GYS2: variants seen among roughly 807,000 people sequenced by gnomAD.
The protein encoded by GYS2 is glycogen [starch] synthase, liver.
GYS2 carries 80 observed loss-of-function variants against 85.6 expected under a neutral mutation model. The observed-to-expected ratio is 0.93, with a 90% CI of 0.78 to 1.13. The LOEUF (loss-of-function observed/expected upper bound fraction) is 1.13, where lower values mean the gene tolerates loss of function less well. Ranked by LOEUF, GYS2 falls within the 50% of genes most tolerant of loss-of-function variation. The probability of loss-of-function intolerance (pLI) is 0.00; values close to 1 mark genes in which losing one functional copy is unlikely to be tolerated. For synonymous variants in GYS2, 328 were observed against 300.7 expected, an observed-to-expected ratio of 1.09 and a Z score of -0.94; for missense variants, 881 against 854.9, an observed-to-expected ratio of 1.03 and a Z score of -0.38.
At chr12:21,554,903 G>A (rs77018159) in intron 11 of GYS2, among the ~76,000 whole-genome samples, 124 of 152,248 alleles carry the variant, frequency 8.1e-4, no homozygotes, top group Middle Eastern at 3.4e-3. Flanking sequence ...CATTTAGAAC[G>A]TCCAATTTCA....
At chr12:21,541,865 C>T (rs1421308705) in intron 13 of GYS2, among the ~76,000 whole-genome samples, 1 of 152,056 alleles carries the variant, frequency 6.6e-6, no homozygotes, top group Non-Finnish European at 1.5e-5. Context: ...CCCCACTCCC[C>T]ACTCAAGCAG....
At chr12:21,545,733 G>A (rs904431055) in intron 12 of GYS2, among the ~76,000 whole-genome samples, 3 of 152,124 alleles carry the variant, frequency 2.0e-5, no homozygotes, top group Non-Finnish European at 2.9e-5. Context: ...GGGTGAAGAA[G>A]GAGGAGTTTC....
intron 5 of GYS2, among the ~76,000 whole-genome samples, chr12:21,563,833 A>T (rs1944285956): frequency 1.3e-5 from 2 of 151,904 alleles, no homozygotes; most frequent in Non-Finnish European, 2.9e-5. Context: ...ATGCAGTCTG[A>T]CCCCACATAC....
At chr12:21,594,590 T>C (rs1944675414) in intron 1 of GYS2, among the ~76,000 whole-genome samples, 1 of 151,986 alleles carries the variant, frequency 6.6e-6, no homozygotes, top group Admixed American at 6.6e-5. Flanking sequence ...GATAAAAGAA[T>C]TGAAAAGGAC....
chr12:21,568,801 C>G, intron 5 of GYS2, 64 bp downstream of exon 5: 1 of 1,457,226 alleles, frequency 6.9e-7, no homozygotes, highest in Admixed American at 1.7e-5. Context: ...CGATGGAAAA[C>G]AAAATCCTCA....
intron 1 of GYS2, among the ~76,000 whole-genome samples, chr12:21,594,943 A>G (rs189834684): frequency 9.5e-4 from 144 of 152,304 alleles, no homozygotes; most frequent in Non-Finnish European, 1.6e-3. Flanking sequence ...ATGCATCCAC[A>G]TATTTATAGC....
intron 7 of GYS2, among the ~76,000 whole-genome samples, chr12:21,560,827 T>A (rs1338247922): frequency 6.6e-6 from 1 of 152,206 alleles, no homozygotes; most frequent in Non-Finnish European, 1.5e-5. Context: ...GATGACACTG[T>A]GCTTTTCTGT....
intron 1 of GYS2, among the ~76,000 whole-genome samples, chr12:21,594,406 A>G (rs1268877134): frequency 6.6e-6 from 1 of 152,228 alleles, no homozygotes; most frequent in East Asian, 1.9e-4. Flanking sequence ...CAGTAAAGTT[A>G]CAGGAGACAA....
intron 5 of GYS2, among the ~76,000 whole-genome samples, chr12:21,568,457 G>A (rs918922256): frequency 6.6e-6 from 1 of 152,122 alleles, no homozygotes; most frequent in African/African-American, 2.4e-5. Flanking sequence ...AATATAAAAC[G>A]TTTCTACCAA....
chr12:21,553,796 A>AACACACAC (rs3061568), intron 11 of GYS2, among the ~76,000 whole-genome samples: 28,661 of 151,324 alleles, frequency 0.19, 3,078 homozygotes, highest in East Asian at 0.26. Context: ...ACACACATAT[A>AACACACAC]ACACACACAC....
At chr12:21,583,432 G>A (rs886667873) in intron 1 of GYS2, among the ~76,000 whole-genome samples, 4 of 152,086 alleles carry the variant, frequency 2.6e-5, no homozygotes, top group Non-Finnish European at 5.9e-5. Context: ...CCCATTTATC[G>A]AGTGATCCAA....
chr12:21,569,466 A>G (rs1443088050), intron 4 of GYS2, among the ~76,000 whole-genome samples: 3 of 152,240 alleles, frequency 2.0e-5, no homozygotes, highest in Non-Finnish European at 4.4e-5. Context: ...GGGAACCTGA[A>G]AAAGAGAAAG....
chr12:21,538,302 C>T (rs954382783), intron 15 of GYS2, among the ~76,000 whole-genome samples: 13 of 152,076 alleles, frequency 8.5e-5, no homozygotes, highest in African/African-American at 3.1e-4. Flanking sequence ...CCTCTGGAAA[C>T]CTGATATAGG....
At chr12:21,548,367 G>A (rs978491045) in intron 11 of GYS2, among the ~76,000 whole-genome samples, 3 of 152,072 alleles carry the variant, frequency 2.0e-5, no homozygotes, top group African/African-American at 7.2e-5. Flanking sequence ...TGATGTTGCC[G>A]AATTCAGAGA....
chr12:21,542,217 T>G (rs1436295552), intron 13 of GYS2, among the ~76,000 whole-genome samples: 1 of 151,962 alleles, frequency 6.6e-6, no homozygotes, highest in African/African-American at 2.4e-5. Flanking sequence ...TTGGCTAATT[T>G]TTTTGTATTT....
intron 7 of GYS2, among the ~76,000 whole-genome samples, chr12:21,561,697 C>T (rs533286618): frequency 2.0e-5 from 3 of 152,108 alleles, no homozygotes; most frequent in African/African-American, 7.2e-5. Context: ...AGTTGTGAGT[C>T]CATTATAAAG....
At chr12:21,597,650 A>G (rs1244900034) in intron 1 of GYS2, among the ~76,000 whole-genome samples, 2 of 152,176 alleles carry the variant, frequency 1.3e-5, no homozygotes, top group African/African-American at 4.8e-5. Flanking sequence ...AGATTTACCA[A>G]AAAGCTAAAA....
intron 2 of GYS2, 112 bp downstream of exon 2, chr12:21,580,230 G>T (rs1944493287): frequency 1.0e-6 from 1 of 993,236 alleles, no homozygotes; most frequent in East Asian, 2.4e-5. Context: ...TCACAAACCT[G>T]AAAGTTTTCC....
At chr12:21,563,178 G>T in intron 6 of GYS2, 50 bp downstream of exon 6, 4 of 1,233,632 alleles carry the variant, frequency 3.2e-6, no homozygotes, top group Non-Finnish European at 4.8e-6. Flanking sequence ...CTCTACCAAA[G>T]ATCACTCATA....
Sources: allele counts gnomAD v4.1 joint callset (sites outside exome capture counted in the v4.1 genomes callset), GRCh38; gene constraint gnomAD v4.1.1; transcripts MANE v1.5; gene names NCBI Gene and HGNC (gene_info 2026-07-23, HGNC 2026-07-21).